Variants in GFPT2 observed in about 807,000 individuals in gnomAD.
GFPT2 encodes the protein glutamine--fructose-6-phosphate aminotransferase [isomerizing] 2.
Under a neutral mutation model 85.6 loss-of-function variants are expected in GFPT2, and 62 were observed. The observed-to-expected ratio is 0.72, with a 90% CI of 0.59 to 0.90. The LOEUF is 0.90. Ranked by LOEUF, GFPT2 falls within the 40% of genes least tolerant of loss-of-function variation. The pLI is 0.00. For synonymous variants in GFPT2, 368 were observed against 344.5 expected (o/e 1.07, Z -0.75); for missense variants, 788 against 893.4 (o/e 0.88, Z 1.50).
At position 180,302,480 on chromosome 5, in the gene GFPT2, C is replaced by G; in HGVS notation, c.1947G>C (p.Leu649=). The change falls in exon 18 of 19, where the codon CTG becomes CTC. Residue 649 remains leucine, a synonymous_variant. Transcript: ENST00000253778. The part of the protein sequence containing the change: ...PHTVDCLQGI[L]SVIPLQLLSF... ...ACAGCAGCTGCAGCGGAATCACGCT[C>G]AGGATGCCCTGGAGGCAGTCCACAG... 6.2e-7 allele frequency: 1 copy of G among 1,614,158 alleles called. No homozygotes were observed. The highest frequency in any genetic ancestry group is 8.5e-7 in the Non-Finnish European group (1 of 1,180,018).
At position 180,330,898 on chromosome 5, in the gene GFPT2, C is replaced by T; in HGVS notation, c.400-64G>A. Reference sequence around the variant, plus strand: ...TTGCACAATGCCTGCCTGGCCAACTCCCTCTCCTCCCTGGTGATCTGCCCT... The same window carrying T: ...TTGCACAATGCCTGCCTGGCCAACTTCCTCTCCTCCCTGGTGATCTGCCCT... On this transcript the variant is annotated intron_variant, in intron 5 of 18. Coordinates refer to ENST00000253778, the MANE Select transcript of GFPT2 (RefSeq NM_005110.4). The surrounding 1 kb of genome is among the most constrained non-coding windows in gnomAD (Gnocchi z 4.4). 1 of 1,432,906 alleles carries T rather than the reference C, an allele frequency of 7.0e-7. No individual in the cohort carries two copies. Among genetic ancestry groups the T allele is most frequent in the Non-Finnish European group, 9.8e-7 (1 of 1,024,766 alleles). The allele number at this position is 1,432,906 out of a possible 1,614,324, so 88.8% of individuals were successfully genotyped here.
intron 4 of GFPT2, 186 bp from the exon 5 acceptor site, chr5:180,331,739 G>C (rs1764304666): frequency 1.6e-6 from 1 of 626,118 alleles, no homozygotes; most frequent in African/African-American, 1.9e-5. Flanking sequence ...CCAGGGATTA[G>C]CACCAGGGAT....
intron 1 of GFPT2, chr5:180,352,339 G>GAAAAA (rs34831746): frequency 4.5e-4 from 155 of 345,422 alleles, no homozygotes; most frequent in South Asian, 1.1e-3. Context: ...CCTACTCAAG[G>GAAAAA]AAAAAAAAAA....
rs761131627 is a variant in GFPT2 at position 180,301,514 on chromosome 5, A to C, written c.*50T>G. The C allele has an allele frequency of 5.0e-5, 72 of 1,444,600 alleles. No individual in the cohort carries two copies. The East Asian group carries it at 5.7e-4, about 11-fold the overall frequency. The allele number at this position is 1,444,600 out of a possible 1,614,324, so 89.5% of individuals were successfully genotyped here. A position where few individuals can be genotyped will look rare whatever the true frequency, so the allele number is the denominator to read the frequency against. On this transcript the variant is annotated 3_prime_UTR_variant, in exon 19 of 19. Transcript: ENST00000253778. The stretch of plus-strand genomic sequence containing the variant: ...CATGTAGCATCCCTGCTGTTGGGAC[A>C]GGTCTGGAATCAGATGAAAGGTGGT...
Position 180,318,933 on chromosome 5 carries a change from C to T in GFPT2, c.818G>A (p.Arg273Gln), listed in dbSNP as rs750093775. The change falls in exon 10 of 19, where the codon CGG becomes CAG. Residue 273 changes from arginine to glutamine, a missense_variant. By Grantham distance (43) the Arg-to-Gln change is conservative (BLOSUM62 1). Transcript: ENST00000253778. The surrounding 1 kb of genome is among the most constrained non-coding windows in gnomAD (Gnocchi z 4.2). Reference protein sequence around the residue: ...DASAIIEHTNRVIFLEDDDIA... With the variant: ...DASAIIEHTNQVIFLEDDDIA... ...GTCATCGTCCTCCAGGAAGATGACC[C>T]GGTTGGTGTGCTCTATGATAGCGCT... 3.5e-5 allele frequency: 57 copies of T among 1,613,014 alleles called. No individual in the cohort carries two copies. The highest frequency in any genetic ancestry group is 9.9e-5 in the South Asian group (9 of 91,074).
intron 9 of GFPT2, among the ~76,000 whole-genome samples, 174 bp from the exon 10 acceptor site, chr5:180,319,130 C>T (rs1268281433): frequency 6.6e-6 from 1 of 152,234 alleles, no homozygotes; most frequent in African/African-American, 2.4e-5. Context: ...CTCCACTCTT[C>T]CCTCCTGTCC....
intron 17 of GFPT2, among the ~76,000 whole-genome samples, chr5:180,304,133 G>A (rs1368050932): frequency 1.3e-5 from 2 of 152,198 alleles, no homozygotes; most frequent in African/African-American, 4.8e-5. Flanking sequence ...GACGTGCTGG[G>A]AGGGTGACAC....
In GFPT2 at chr5:180,301,664, C is replaced by A. The variant is rs967803997; in HGVS notation, c.2005-56G>T. The A allele has an allele frequency of 3.7e-6, 5 of 1,364,846 alleles. No homozygotes were observed. In the African/African-American group the frequency reaches 5.7e-5, roughly 16 times the overall value. The allele number at this position is 1,364,846 out of a possible 1,614,324, so 84.5% of individuals were successfully genotyped here. ...CCCAAAGATCTCAGCAACATGCTAC[C>A]TCTCACAGACAATTTTCAGAGTACT... is the stretch of plus-strand genomic sequence containing the variant. On this transcript the variant is annotated intron_variant, in intron 18 of 18. Coordinates refer to ENST00000253778, the MANE Select transcript of GFPT2 (RefSeq NM_005110.4).
chr5:180,317,598 A>AC (rs772939138), intron 10 of GFPT2, among the ~76,000 whole-genome samples: 2 of 148,144 alleles, frequency 1.4e-5, no homozygotes, highest in Non-Finnish European at 2.9e-5. Context: ...TCTCTACTAA[A>AC]AATACAAAAA....
At chr5:180,351,135 CAAAAG>C (rs1294906199) in intron 1 of GFPT2, among the ~76,000 whole-genome samples, 1 of 152,154 alleles carries the variant, frequency 6.6e-6, no homozygotes, top group Admixed American at 6.5e-5. Flanking sequence ...GAATTCATGC[CAAAAG>C]AAAACAACCA....
At chr5:180,347,082 T>C (rs1311881757) in intron 1 of GFPT2, among the ~76,000 whole-genome samples, 1 of 152,204 alleles carries the variant, frequency 6.6e-6, no homozygotes, top group East Asian at 1.9e-4. Flanking sequence ...TGGGGGATGC[T>C]GAGCGCCCAG....
intron 1 of GFPT2, among the ~76,000 whole-genome samples, chr5:180,340,922 G>A (rs1050962385): frequency 1.4e-4 from 21 of 152,134 alleles, no homozygotes; most frequent in African/African-American, 5.1e-4. Flanking sequence ...TGCAGCTGAG[G>A]ATTTCAACAG....
chr5:180,315,877 C>A lies in GFPT2; in HGVS notation c.1273+464G>T, dbSNP rs149415105. On this transcript the variant is annotated intron_variant, in intron 13 of 18. Transcript: ENST00000253778. The stretch of plus-strand genomic sequence containing the variant: ...ACTGTCTCCCCCACACCTCCCCCTG[C>A]TGGGCAGCATGGGCACTGCATGCCA... Among the ~76,000 whole-genome samples the A allele has an allele frequency of 1.2e-3, 189 of 152,324 alleles. 1 individual carries two copies. Among genetic ancestry groups the A allele is most frequent in the African/African-American group, 4.4e-3 (181 of 41,578 alleles).
chr5:180,329,104 C>T (rs1764261717), intron 6 of GFPT2, among the ~76,000 whole-genome samples: 1 of 152,218 alleles, frequency 6.6e-6, no homozygotes, highest in African/African-American at 2.4e-5. Context: ...CCTGTACTAA[C>T]TTACCGCAAC....
In GFPT2 at chr5:180,301,488, C is replaced by T; in HGVS notation, c.*76G>A. The T allele has an allele frequency of 8.1e-7, 1 of 1,228,412 alleles. No homozygotes were observed. The highest frequency in any genetic ancestry group is 1.2e-6 in the Non-Finnish European group (1 of 828,324). 76.1% of individuals were successfully genotyped at this position (1,228,412 alleles called of 1,614,324 possible). A position where few individuals can be genotyped will look rare whatever the true frequency, so the allele number is the denominator to read the frequency against. Reference sequence around the variant, plus strand: ...ACATGTGGGATGTCCACTTCTCTTCCCATGTAGCATCCCTGCTGTTGGGAC... The same window carrying T: ...ACATGTGGGATGTCCACTTCTCTTCTCATGTAGCATCCCTGCTGTTGGGAC... On this transcript the variant is annotated 3_prime_UTR_variant, in exon 19 of 19. Coordinates refer to ENST00000253778, the MANE Select transcript of GFPT2 (RefSeq NM_005110.4).
chr5:180,326,979 T>C (rs1385234363), intron 7 of GFPT2, among the ~76,000 whole-genome samples: 2 of 152,210 alleles, frequency 1.3e-5, no homozygotes, highest in Non-Finnish European at 2.9e-5. Flanking sequence ...AGGAACCAAC[T>C]GGTATTTTAT....
At chr5:180,341,232 C>T (rs1284905480) in intron 1 of GFPT2, among the ~76,000 whole-genome samples, 4 of 152,178 alleles carry the variant, frequency 2.6e-5, no homozygotes, top group Non-Finnish European at 4.4e-5. Context: ...ATTTTCCCAA[C>T]TATGTTTTGC....
chr5:180,341,479 CTTAA>C (rs1465618489), intron 1 of GFPT2, among the ~76,000 whole-genome samples: 1 of 152,120 alleles, frequency 6.6e-6, no homozygotes, highest in Non-Finnish European at 1.5e-5. Flanking sequence ...ATCATATAAA[CTTAA>C]TTAATCTATA....
rs1236543182 is a variant in GFPT2, at chr5:180,318,043, G to T, written c.958+750C>A. ...AATGAGGGGTGGCCACCATAGGGGAGGGGCTGGGGAGGGACCATGGCAGAC... is the reference window on the plus strand; with the variant it reads ...AATGAGGGGTGGCCACCATAGGGGATGGGCTGGGGAGGGACCATGGCAGAC... On this transcript the variant is annotated intron_variant, in intron 10 of 18. Coordinates refer to ENST00000253778, the MANE Select transcript of GFPT2 (RefSeq NM_005110.4). This position sits in a 1 kb window ranked among gnomAD's most constrained non-coding sequence, Gnocchi z 4.2. 1.3e-5 allele frequency among the ~76,000 whole-genome samples: 2 copies of T among 152,204 alleles called. No homozygotes were observed. Among genetic ancestry groups the T allele is most frequent in the African/African-American group, 4.8e-5 (2 of 41,444 alleles).
Sources: allele counts gnomAD v4.1 joint callset (sites outside exome capture counted in the v4.1 genomes callset), GRCh38; gene constraint gnomAD v4.1.1; non-coding constraint Gnocchi (gnomAD v3.1); transcripts MANE v1.5; gene names NCBI Gene and HGNC (gene_info 2026-07-23, HGNC 2026-07-21).